The following FBXL2 variants were observed in gnomAD, a reference collection of about 807,000 sequenced individuals.
The protein encoded by FBXL2 is F-box and leucine rich repeat protein 2, also known as F-box/LRR-repeat protein 2.
A neutral mutation model predicts 69.2 loss-of-function variants in FBXL2; 38 were observed. The observed-to-expected ratio is 0.55, with a 90% CI of 0.42 to 0.72. FBXL2 has a LOEUF of 0.72. FBXL2 is among the 30% of genes least tolerant of loss of function. The pLI is 0.00. For synonymous variants in FBXL2, 192 were observed against 201.3 expected (o/e 0.95, Z 0.39); for missense variants, 354 against 520.3 (o/e 0.68, Z 3.11).
the FBXL2 span, among the ~76,000 whole-genome samples, chr3:33,418,830 G>A: frequency 7.7e-6 from 1 of 130,230 alleles, no homozygotes; most frequent in Admixed American, 9.3e-5. Flanking sequence ...CTGCACTACA[G>A]CCCAGGCAAC....
intron 2 of FBXL2, among the ~76,000 whole-genome samples, chr3:33,303,483 A>C (rs2125736048): frequency 6.6e-6 from 1 of 152,178 alleles, no homozygotes; most frequent in Middle Eastern, 3.4e-3. Context: ...ATGACTTTGG[A>C]TTTTATATCT....
chr3:33,281,391 T>C (rs1204107569), intron 1 of FBXL2, among the ~76,000 whole-genome samples: 1 of 152,242 alleles, frequency 6.6e-6, no homozygotes, highest in Non-Finnish European at 1.5e-5. Context: ...TTTTTATGGC[T>C]GCATAGTATT....
chr3:33,378,905 A>C, intron 13 of FBXL2, 164 bp downstream of exon 13: 1 of 1,317,544 alleles, frequency 7.6e-7, no homozygotes, highest in East Asian at 2.6e-5. Flanking sequence ...TAAATATTTG[A>C]TTACTGCTTT....
intron 12 of FBXL2, among the ~76,000 whole-genome samples, chr3:33,378,483 A>T (rs1035888494): frequency 1.5e-4 from 23 of 152,166 alleles, no homozygotes; most frequent in African/African-American, 5.1e-4. Flanking sequence ...GGGGTACCAG[A>T]AGAGAGACAA....
At chr3:33,295,620 G>T (rs1349423419) in intron 1 of FBXL2, among the ~76,000 whole-genome samples, 1 of 152,090 alleles carries the variant, frequency 6.6e-6, no homozygotes, top group Non-Finnish European at 1.5e-5. Flanking sequence ...GGAGTTGCTG[G>T]GTCATATGGT....
chr3:33,361,931 T>C (rs964429668), intron 4 of FBXL2, among the ~76,000 whole-genome samples: 26 of 152,152 alleles, frequency 1.7e-4, no homozygotes, highest in African/African-American at 5.6e-4. Flanking sequence ...CTTTTGGATA[T>C]GGTTGAGAGA....
downstream of FBXL2, chr3:33,391,223 A>T (rs1036153398): frequency 5.3e-5 from 8 of 152,204 alleles, no homozygotes; most frequent in Admixed American, 3.9e-4. Flanking sequence ...TAGTCTGGGG[A>T]CACCTGACAC....
chr3:33,277,367 C>T (rs1477793116), upstream of FBXL2: 16 of 855,042 alleles, frequency 1.9e-5, no homozygotes, highest in Admixed American at 5.6e-4. Flanking sequence ...ACCGCCCCTG[C>T]GGGTCACGTG....
the FBXL2 span, chr3:33,411,522 A>G: frequency 8.3e-6 from 12 of 1,443,628 alleles, no homozygotes; most frequent in Admixed American, 6.9e-5. Flanking sequence ...CAAAAATTCA[A>G]TCCTACCATG....
chr3:33,373,398 T>C lies in FBXL2; in HGVS notation c.455+43T>C, dbSNP rs186531823. 71 of 1,550,300 alleles carry C rather than the reference T, an allele frequency of 4.6e-5. No individual in the cohort carries two copies. In the African/African-American group the frequency reaches 8.6e-4, roughly 19 times the overall value. On this transcript the variant is annotated intron_variant, in intron 7 of 14. Coordinates refer to ENST00000484457, the MANE Select transcript of FBXL2 (RefSeq NM_012157.5). ...TTGTGTCAAGAGAAATACCCAAAGC[T>C]ATGAACATTCTGGAAACCTTCTTAA...
At chr3:33,356,421 C>T (rs2041206291) in intron 2 of FBXL2, among the ~76,000 whole-genome samples, 1 of 152,018 alleles carries the variant, frequency 6.6e-6, no homozygotes, top group Non-Finnish European at 1.5e-5. Flanking sequence ...CGGATCTCGG[C>T]TCACTGCAAC....
intron 13 of FBXL2, among the ~76,000 whole-genome samples, chr3:33,381,399 C>A (rs1462764856): frequency 6.6e-6 from 1 of 152,150 alleles, no homozygotes; most frequent in Non-Finnish European, 1.5e-5. Flanking sequence ...AATCTCAACA[C>A]TTTGGGAGGC....
intron 2 of FBXL2, among the ~76,000 whole-genome samples, chr3:33,358,043 A>T (rs1378976220): frequency 6.6e-6 from 1 of 152,126 alleles, no homozygotes; most frequent in Non-Finnish European, 1.5e-5. Flanking sequence ...TTATCTCACC[A>T]CCGATTGTTG....
At chr3:33,337,986 T>A (rs1456902842) in intron 2 of FBXL2, among the ~76,000 whole-genome samples, 2 of 152,120 alleles carry the variant, frequency 1.3e-5, no homozygotes, top group Non-Finnish European at 2.9e-5. Flanking sequence ...AAAAAAACAT[T>A]TCATGCTCAT....
intron 2 of FBXL2, among the ~76,000 whole-genome samples, chr3:33,301,232 G>A (rs2036267813): frequency 6.6e-6 from 1 of 152,106 alleles, no homozygotes; most frequent in Non-Finnish European, 1.5e-5. Context: ...AGTGTAGTCT[G>A]TTGTTCCTAA....
At chr3:33,339,743 C>A (rs1461886135) in intron 2 of FBXL2, among the ~76,000 whole-genome samples, 1 of 152,160 alleles carries the variant, frequency 6.6e-6, no homozygotes, top group Non-Finnish European at 1.5e-5. Context: ...AAAGTAAATA[C>A]TCTCCAACCC....
chr3:33,415,262 T>C, the FBXL2 span, among the ~76,000 whole-genome samples: 2 of 152,226 alleles, frequency 1.3e-5, no homozygotes, highest in Non-Finnish European at 1.5e-5. Context: ...ACAAAGACAA[T>C]TGCTTCAGAA....
chr3:33,391,548 A>T (rs535291673), downstream of FBXL2: 3 of 152,270 alleles, frequency 2.0e-5, no homozygotes, highest in South Asian at 6.2e-4. Context: ...CCTACTTGAC[A>T]TTTCTACATA....
chr3:33,378,479 C>T (rs2042789424), intron 12 of FBXL2, among the ~76,000 whole-genome samples: 1 of 152,148 alleles, frequency 6.6e-6, no homozygotes, highest in African/African-American at 2.4e-5. Context: ...CCTTGGGGTA[C>T]CAGAAGAGAG....
Sources: allele counts gnomAD v4.1 joint callset (sites outside exome capture counted in the v4.1 genomes callset), GRCh38; gene constraint gnomAD v4.1.1; transcripts MANE v1.5; gene names NCBI Gene and HGNC (gene_info 2026-07-23, HGNC 2026-07-21).